Variants in PCDHGB5 observed in about 807,000 individuals in gnomAD.
The protein encoded by PCDHGB5 is protocadherin gamma-B5.
In PCDHGB5, 48 loss-of-function variants were observed where a neutral mutation model predicts 62.9. The observed-to-expected ratio is 0.76, with a 90% CI of 0.61 to 0.97. The LOEUF (loss-of-function observed/expected upper bound fraction) is 0.97. PCDHGB5 is among the 50% of genes least tolerant of loss of function. The pLI, the probability that PCDHGB5 is intolerant of heterozygous loss-of-function variation, is 0.00. For synonymous variants in PCDHGB5, 474 were observed against 511.2 expected (o/e 0.93, Z 0.98); for missense variants, 1,118 against 1,198.6 (o/e 0.93, Z 0.99).
At chr5:141,409,831 C>A (rs1015263434) in intron 1 of PCDHGB5, 1 of 1,611,128 alleles carries the variant, frequency 6.2e-7, no homozygotes, top group African/African-American at 1.3e-5. Flanking sequence ...CCACGCTCAG[C>A]GCCAACGTGA....
rs1436956912 is a variant in PCDHGB5, at chr5:141,438,609, TATATATATATATATATATATATATATAC to T, written c.2397+38087_2397+38114del. Reference sequence around the variant, plus strand: ...ATACATACATATATATATATATATATATATATATATATATATATATATATATACACACACACACACACATATATGTATA... The same window carrying T: ...ATACATACATATATATATATATATATACACACACACACACATATATGTATA... On this transcript the variant is annotated intron_variant, in intron 1 of 3. Coordinates refer to ENST00000617380, the MANE Select transcript of PCDHGB5 (RefSeq NM_018925.3). Among the ~76,000 whole-genome samples the T allele has an allele frequency of 2.2e-3, 92 of 41,082 alleles. 2 individuals are homozygous for T. Among genetic ancestry groups the T allele is most frequent in the East Asian group, 7.4e-3 (6 of 810 alleles). The allele number at this position is 41,082 out of a possible 152,430, so 27.0% of individuals were successfully genotyped here.
chr5:141,455,047 C>T (rs2098811276), intron 1 of PCDHGB5, among the ~76,000 whole-genome samples: 1 of 150,004 alleles, frequency 6.7e-6, no homozygotes, highest in African/African-American at 2.5e-5. Context: ...CTCCTGACCT[C>T]GTGATCCGCC....
In PCDHGB5 at chr5:141,431,543, C is replaced by T. The variant is rs1334234544; in HGVS notation, c.2397+31019C>T. The T allele has an allele frequency of 1.9e-6, 3 of 1,614,128 alleles. No individual in the cohort carries two copies. The highest frequency in any genetic ancestry group is 2.5e-6 in the Non-Finnish European group (3 of 1,180,036). ...GAATCTGGCCTTGGGCACGCAGCTGCTTGTAGTCAACGCTACCGACCCTGA... is the reference window on the plus strand; with the variant it reads ...GAATCTGGCCTTGGGCACGCAGCTGTTTGTAGTCAACGCTACCGACCCTGA... On this transcript the variant is annotated intron_variant, in intron 1 of 3. Transcript: ENST00000617380. This position sits in a 1 kb window ranked among gnomAD's most constrained non-coding sequence, Gnocchi z 4.8.
intron 1 of PCDHGB5, among the ~76,000 whole-genome samples, chr5:141,463,302 A>T (rs2099056422): frequency 6.6e-6 from 1 of 151,090 alleles, no homozygotes; most frequent in Non-Finnish European, 1.5e-5. Context: ...ATCTCCCCAA[A>T]CTCTAATATC....
chr5:141,488,677 G>A (rs2099678276), intron 1 of PCDHGB5, among the ~76,000 whole-genome samples: 2 of 152,184 alleles, frequency 1.3e-5, no homozygotes, highest in African/African-American at 2.4e-5. Context: ...CATGGGCTTT[G>A]CCTCTCCCAG....
intron 1 of PCDHGB5, among the ~76,000 whole-genome samples, chr5:141,425,036 G>A (rs574813328): frequency 1.3e-5 from 2 of 152,238 alleles, no homozygotes; most frequent in East Asian, 3.9e-4. Context: ...GTCATTAGTT[G>A]TAAACTGACT....
chr5:141,482,593 G>A (rs1314658005), intron 1 of PCDHGB5, among the ~76,000 whole-genome samples: 4 of 149,900 alleles, frequency 2.7e-5, no homozygotes, highest in Non-Finnish European at 5.9e-5. Flanking sequence ...GGGACCAAAC[G>A]GGAAAAAACA....
chr5:141,491,014 G>A lies in PCDHGB5; in HGVS notation c.2398-3793G>A, dbSNP rs761902295. On this transcript the variant is annotated intron_variant, in intron 1 of 3. Transcript: ENST00000617380. This position sits in a 1 kb window ranked among gnomAD's most constrained non-coding sequence, Gnocchi z 6.9. ...TCCTCCTGGCTCCTTGGTCACCAAG[G>A]TGACAGCCGTGGATGCTGATGCAGG... 6 of 1,614,134 alleles carry A rather than the reference G, an allele frequency of 3.7e-6. No individual in the cohort carries two copies. Among genetic ancestry groups the A allele is most frequent in the Non-Finnish European group, 4.2e-6 (5 of 1,180,044 alleles).
chr5:141,399,864 G>A lies in PCDHGB5; in HGVS notation c.1737G>A (p.Glu579=), dbSNP rs762765678. ...ALFDMVPRAA[E]PGYLVTKVVA... Reference sequence around the variant, plus strand: ...TCGATATGGTGCCGCGCGCTGCAGAGCCCGGCTACCTGGTGACCAAGGTAG... The same window carrying A: ...TCGATATGGTGCCGCGCGCTGCAGAACCCGGCTACCTGGTGACCAAGGTAG... Residue 579 remains glutamate (E), a synonymous_variant, in exon 1 of 4, where the codon GAG becomes GAA. Coordinates refer to ENST00000617380, the MANE Select transcript of PCDHGB5 (RefSeq NM_018925.3). 1 of 1,612,860 alleles carries A rather than the reference G, an allele frequency of 6.2e-7. No individual in the cohort carries two copies.
intron 1 of PCDHGB5, chr5:141,416,112 T>C (rs555358881): frequency 6.4e-6 from 1 of 156,492 alleles, no homozygotes; most frequent in Non-Finnish European, 1.4e-5. Context: ...TTTTTCAAAC[T>C]ACATTTTATA....
At chr5:141,492,423 G>C (rs1164828445) in intron 1 of PCDHGB5, among the ~76,000 whole-genome samples, 1 of 152,222 alleles carries the variant, frequency 6.6e-6, no homozygotes, top group African/African-American at 2.4e-5. Context: ...CCCTCCGCCG[G>C]GCTCAGGAGT....
intron 1 of PCDHGB5, chr5:141,427,019 CAA>C (rs1369360584): frequency 8.8e-6 from 4 of 456,798 alleles, no homozygotes; most frequent in Admixed American, 2.3e-5. Flanking sequence ...AGGATGTATA[CAA>C]AGTCAGCCTT....
At chr5:141,499,272 GT>G (rs772636179) in intron 2 of PCDHGB5, among the ~76,000 whole-genome samples, 3 of 152,122 alleles carry the variant, frequency 2.0e-5, no homozygotes, top group Non-Finnish European at 4.4e-5. Flanking sequence ...TCCCTAGACT[GT>G]TCTCTGATGG....
At position 141,415,171 on chromosome 5, in the gene PCDHGB5, G is replaced by A. The variant is rs748508713; in HGVS notation, c.2397+14647G>A. ...TCTCTCCGCCACTGTCACGCTCACC[G>A]TGGCCGTGGCCGACAGCATCCCCCA... On this transcript the variant is annotated intron_variant, in intron 1 of 3. Coordinates refer to ENST00000617380, the MANE Select transcript of PCDHGB5 (RefSeq NM_018925.3). 8 of 1,613,876 alleles carry A rather than the reference G, an allele frequency of 5.0e-6. No homozygotes were observed. In the South Asian group the frequency reaches 6.6e-5, roughly 13 times the overall value.
chr5:141,432,511 C>T lies in PCDHGB5; in HGVS notation c.2397+31987C>T. ...AGCTGGCTCCCCGCTCCGCAGAGCC[C>T]GGCTACCTGGTGACCAAGGTGGTGG... is the stretch of plus-strand genomic sequence containing the variant. On this transcript the variant is annotated intron_variant, in intron 1 of 3. Coordinates refer to ENST00000617380, the MANE Select transcript of PCDHGB5 (RefSeq NM_018925.3). This position sits in a 1 kb window ranked among gnomAD's most constrained non-coding sequence, Gnocchi z 6.0. 1 of 1,614,118 alleles carries T rather than the reference C, an allele frequency of 6.2e-7. No homozygotes were observed. The highest frequency in any genetic ancestry group is 8.5e-7 in the Non-Finnish European group (1 of 1,180,042).
chr5:141,478,758 T>C (rs1333135263), intron 1 of PCDHGB5: 2 of 1,515,540 alleles, frequency 1.3e-6, no homozygotes, highest in South Asian at 1.3e-5. Flanking sequence ...AGGGGGAAGA[T>C]ACTTGACTCA....
chr5:141,421,384 C>T (rs960627405), intron 1 of PCDHGB5: 5 of 1,613,928 alleles, frequency 3.1e-6, no homozygotes, highest in Non-Finnish European at 4.2e-6. Context: ...CTCCAAGGAC[C>T]TGGGGCTGGA....
rs576771907 is a variant in PCDHGB5 at position 141,399,019 on chromosome 5, A to G, written c.892A>G (p.Thr298Ala). ...TCTGAATTCAAAGAGCGGAGAAATT[A>G]CCACTCAAAAGAAACTGGATTTTGA... ...FSLNSKSGEI[T>A]TQKKLDFEET... Residue 298 changes from threonine to alanine, a missense_variant, in exon 1 of 4, where the codon ACC (threonine) becomes GCC (alanine). Thr to Ala is a moderately conservative substitution (Grantham distance 58). Around this residue, in one of 2 missense-constraint regions of PCDHGB5, gnomAD observed 1,034 missense variants for 1,029.1 expected, o/e 1.00. Coordinates refer to ENST00000617380, the MANE Select transcript of PCDHGB5 (RefSeq NM_018925.3). 4 of 1,613,932 alleles carry G rather than the reference A, an allele frequency of 2.5e-6. No individual in the cohort carries two copies. Among genetic ancestry groups the G allele is most frequent in the East Asian group, 2.2e-5 (1 of 44,890 alleles).
chr5:141,418,941 C>G, intron 1 of PCDHGB5: 1 of 1,614,034 alleles, frequency 6.2e-7, no homozygotes, highest in East Asian at 2.2e-5. Flanking sequence ...GAGGATTCCC[C>G]TCCAGGAGTG....
Sources: allele counts gnomAD v4.1 joint callset (sites outside exome capture counted in the v4.1 genomes callset), GRCh38; gene constraint gnomAD v4.1.1; regional missense constraint gnomAD v4.1.1; non-coding constraint Gnocchi (gnomAD v3.1); transcripts MANE v1.5; gene names NCBI Gene and HGNC (gene_info 2026-07-23, HGNC 2026-07-21).